RBFOX1: variants seen among roughly 807,000 people sequenced by gnomAD.
The protein encoded by RBFOX1 is RNA binding protein fox-1 homolog 1.
In RBFOX1, 8 loss-of-function variants were observed where a neutral mutation model predicts 57.7. That is an observed-to-expected ratio of 0.14 (90% CI 0.08 to 0.25). The LOEUF is 0.25. RBFOX1 is among the 10% of genes least tolerant of loss of function. RBFOX1 has a pLI of 1.00. For missense variants in RBFOX1, 611 were observed against 548.5 expected (o/e 1.11, Z -1.14); for synonymous variants, 326 against 222.4 (o/e 1.47, Z -4.15).
At chr16:7,555,600 C>T (rs927258560) in intron 5 of RBFOX1, among the ~76,000 whole-genome samples, 1 of 152,142 alleles carries the variant, frequency 6.6e-6, no homozygotes, top group Admixed American at 6.5e-5. Context: ...TGTTTCTGTG[C>T]CCTCGTCAGG....
downstream of RBFOX1, among the ~76,000 whole-genome samples, chr16:5,602,385 T>C (rs1440434112): frequency 1.3e-5 from 2 of 152,210 alleles, no homozygotes; most frequent in African/African-American, 2.4e-5. Context: ...CACAAATAAT[T>C]TTTAAAAAGA....
intron 4 of RBFOX1, among the ~76,000 whole-genome samples, chr16:7,191,959 C>G (rs1247724490): frequency 6.6e-6 from 1 of 152,232 alleles, no homozygotes; most frequent in Non-Finnish European, 1.5e-5. Flanking sequence ...CCTGAGCCGT[C>G]TCCCTCTAAG....
chr16:6,241,171 G>C lies in RBFOX1; in HGVS notation c.-126-75824G>C, dbSNP rs528391823. The stretch of plus-strand genomic sequence containing the variant: ...GCCCAGCACCCCAACGCCCCTGCCA[G>C]AGATAAAAATAAGCGAAATATGCAA... On this transcript the variant is annotated intron_variant, in intron 1 of 15. Transcript: ENST00000550418. Among the ~76,000 whole-genome samples, 10 of 152,320 alleles carry C rather than the reference G, an allele frequency of 6.6e-5. No individual in the cohort carries two copies. In the South Asian group the frequency reaches 8.3e-4, roughly 13 times the overall value.
intron 1 of RBFOX1, among the ~76,000 whole-genome samples, chr16:6,110,103 C>G (rs759891793): frequency 1.3e-5 from 2 of 151,866 alleles, no homozygotes; most frequent in Non-Finnish European, 2.9e-5. Context: ...AATCCATCAG[C>G]ACATCTACTG....
At chr16:6,141,017 G>GC (rs2096711792) in intron 1 of RBFOX1, among the ~76,000 whole-genome samples, 1 of 152,212 alleles carries the variant, frequency 6.6e-6, no homozygotes, top group African/African-American at 2.4e-5. Flanking sequence ...TTGACTCTCT[G>GC]CCCTCCCACA....
intron 2 of RBFOX1, among the ~76,000 whole-genome samples, chr16:5,555,764 G>A (rs1037995123): frequency 6.7e-5 from 10 of 150,282 alleles, no homozygotes; most frequent in Non-Finnish European, 1.2e-4. Flanking sequence ...GCTCATGCCT[G>A]TAATCCCAGC....
At chr16:5,882,295 A>AG (rs1298605266) in intron 4 of RBFOX1, among the ~76,000 whole-genome samples, 1 of 152,210 alleles carries the variant, frequency 6.6e-6, no homozygotes, top group Non-Finnish European at 1.5e-5. Context: ...CAGTCACCTT[A>AG]AGAAACTTGT....
chr16:6,947,370 T>G (rs148323535), intron 3 of RBFOX1, among the ~76,000 whole-genome samples: 1 of 152,314 alleles, frequency 6.6e-6, no homozygotes, highest in South Asian at 2.1e-4. Context: ...CCTGAGCCTT[T>G]TGCATCTTAA....
chr16:5,844,233 C>G (rs2056695040), intron 3 of RBFOX1, among the ~76,000 whole-genome samples: 1 of 152,034 alleles, frequency 6.6e-6, no homozygotes, highest in South Asian at 2.1e-4. Context: ...TTTTTTCCAC[C>G]AACCTGACTT....
intron 4 of RBFOX1, among the ~76,000 whole-genome samples, chr16:5,985,213 C>T (rs956551356): frequency 1.3e-5 from 2 of 151,400 alleles, no homozygotes; most frequent in South Asian, 2.1e-4. Context: ...AGGATGGTCT[C>T]GATCTCCTGA....
intron 3 of RBFOX1, among the ~76,000 whole-genome samples, chr16:6,833,695 G>T (rs1428112931): frequency 6.6e-6 from 1 of 152,178 alleles, no homozygotes; most frequent in East Asian, 1.9e-4. Flanking sequence ...ATAGACATTT[G>T]TTGTGACCAG....
chr16:5,972,261 C>G (rs2059977006), intron 4 of RBFOX1, among the ~76,000 whole-genome samples: 1 of 152,116 alleles, frequency 6.6e-6, no homozygotes, highest in Non-Finnish European at 1.5e-5. Context: ...AGAACCCTGA[C>G]TAATACAGTT....
intron 5 of RBFOX1, among the ~76,000 whole-genome samples, chr16:7,539,323 G>A (rs2082298126): frequency 6.6e-6 from 1 of 152,174 alleles, no homozygotes; most frequent in Non-Finnish European, 1.5e-5. Flanking sequence ...AGAGAAGACA[G>A]TGGGAGCAGC....
At chr16:7,432,524 AT>A (rs962502253) in intron 4 of RBFOX1, among the ~76,000 whole-genome samples, 100 of 152,164 alleles carry the variant, frequency 6.6e-4, no homozygotes, top group Middle Eastern at 3.4e-3. Flanking sequence ...ATGCACAAAC[AT>A]TTTTTTTATA....
intron 3 of RBFOX1, among the ~76,000 whole-genome samples, chr16:6,804,291 A>T (rs1241377671): frequency 1.3e-5 from 2 of 152,058 alleles, no homozygotes; most frequent in African/African-American, 4.8e-5. Flanking sequence ...TACAGGCATG[A>T]GCCACCCAGC....
At chr16:6,109,958 A>G (rs939276092) in intron 1 of RBFOX1, among the ~76,000 whole-genome samples, 5 of 152,104 alleles carry the variant, frequency 3.3e-5, no homozygotes, top group African/African-American at 1.2e-4. Flanking sequence ...ATGTTTGGAA[A>G]TCACTTTTTT....
intron 3 of RBFOX1, among the ~76,000 whole-genome samples, chr16:5,641,750 AG>A (rs1288833711): frequency 6.6e-6 from 1 of 152,182 alleles, no homozygotes; most frequent in Non-Finnish European, 1.5e-5. Context: ...GAATAAAGGC[AG>A]GGGGTCAGTT....
At chr16:7,369,773 T>C (rs1443871188) in intron 4 of RBFOX1, among the ~76,000 whole-genome samples, 1 of 152,120 alleles carries the variant, frequency 6.6e-6, no homozygotes, top group Non-Finnish European at 1.5e-5. Context: ...GATTGAAAAA[T>C]AAGTAAATAA....
At chr16:6,503,448 G>C (rs890519457) in intron 2 of RBFOX1, among the ~76,000 whole-genome samples, 27 of 152,086 alleles carry the variant, frequency 1.8e-4, no homozygotes, top group African/African-American at 6.5e-4. Flanking sequence ...CATTTCCCTG[G>C]GTGGACCATG....
Sources: allele counts gnomAD v4.1 joint callset (sites outside exome capture counted in the v4.1 genomes callset), GRCh38; gene constraint gnomAD v4.1.1; transcripts MANE v1.5; gene names NCBI Gene and HGNC (gene_info 2026-07-23, HGNC 2026-07-21).